The following EMB variants were observed in gnomAD, a reference collection of about 807,000 sequenced individuals.
EMB encodes embigin.
A neutral mutation model predicts 41.4 loss-of-function variants in EMB; 31 were observed. That is an observed-to-expected ratio of 0.75 (90% CI 0.56 to 1.01). The LOEUF is 1.01. Ranked by LOEUF, EMB falls within the 50% of genes least tolerant of loss-of-function variation. The probability of loss-of-function intolerance (pLI) is 0.00; values close to 1 mark genes in which losing one functional copy is unlikely to be tolerated. For missense variants in EMB, 379 were observed against 388.3 expected (o/e 0.98, Z 0.20); for synonymous variants, 137 against 140.4 (o/e 0.98, Z 0.17).
intron 1 of EMB, 131 bp from the exon 2 acceptor site, chr5:50,428,358 C>G: frequency 3.2e-6 from 4 of 1,241,528 alleles, no homozygotes; most frequent in Non-Finnish European, 3.2e-6. Flanking sequence ...AGCTCAAAGT[C>G]TTATATACTT....
rs1745108574 is a variant in EMB, at chr5:50,398,570, G to A, written c.*703C>T. 6.6e-6 allele frequency: 1 copy of A among 152,022 alleles called. No individual in the cohort carries two copies. The highest frequency in any genetic ancestry group is 2.1e-4 in the South Asian group (1 of 4,822). 9.4% of individuals were successfully genotyped at this position (152,022 alleles called of 1,614,324 possible). A position where few individuals can be genotyped will look rare whatever the true frequency, so the allele number is the denominator to read the frequency against. The stretch of plus-strand genomic sequence containing the variant: ...TTATGAAGTTAAAAACCCTATTTAA[G>A]ACTAAGAAGCACTTTAGCCTGGTGG... On this transcript the variant is annotated 3_prime_UTR_variant, in exon 9 of 9. Coordinates refer to ENST00000303221, the MANE Select transcript of EMB (RefSeq NM_198449.3).
chr5:50,408,133 T>C lies in EMB; in HGVS notation c.473-2281A>G, dbSNP rs532423514. Among the ~76,000 whole-genome samples, 6 of 152,156 alleles carry C rather than the reference T, an allele frequency of 3.9e-5. No individual in the cohort carries two copies. In the South Asian group the frequency reaches 1.0e-3, roughly 26 times the overall value. ...TTAGATACTTCCAGGGGAAGACAGA[T>C]AGTTGAGCTTTGACAGGCTTCACTA... On this transcript the variant is annotated intron_variant, in intron 4 of 8. Transcript: ENST00000303221.
Position 50,415,116 on chromosome 5 carries a change from T to A in EMB, c.197-3733A>T, listed in dbSNP as rs1302810190. Among the ~76,000 whole-genome samples, 7 of 152,202 alleles carry A rather than the reference T, an allele frequency of 4.6e-5. No homozygotes were observed. The East Asian group carries it at 1.3e-3, about 29-fold the overall frequency. On this transcript the variant is annotated intron_variant, in intron 2 of 8. Coordinates refer to ENST00000303221, the MANE Select transcript of EMB (RefSeq NM_198449.3). ...CCATTAATATTCCCTTGTGCTGACC[T>A]ATAACACTGAATCACATGCAGTAGT... is the stretch of plus-strand genomic sequence containing the variant.
chr5:50,422,649 A>T (rs906247737), intron 2 of EMB, among the ~76,000 whole-genome samples: 1 of 152,228 alleles, frequency 6.6e-6, no homozygotes, highest in Non-Finnish European at 1.5e-5. Flanking sequence ...AAAGGTGGAA[A>T]AGTATGCAAA....
chr5:50,425,325 G>T (rs1745591807), intron 2 of EMB, among the ~76,000 whole-genome samples: 1 of 152,050 alleles, frequency 6.6e-6, no homozygotes, highest in Admixed American at 6.6e-5. Flanking sequence ...TTGTGGGAGA[G>T]CTGCTCACAT....
At chr5:50,442,199 T>A (rs1745926235), upstream of EMB, among the ~76,000 whole-genome samples, 1 of 149,722 alleles carries the variant, frequency 6.7e-6, no homozygotes, top group African/African-American at 2.4e-5. Context: ...TCAAAATATA[T>A]CGGCGTTAAA....
At chr5:50,422,314 T>C (rs13173678) in intron 2 of EMB, among the ~76,000 whole-genome samples, 77,143 of 152,034 alleles carry the variant, frequency 0.51, 20,534 homozygotes, top group African/African-American at 0.67. Flanking sequence ...TATAACAAGC[T>C]TATTAGGTGT....
intron 2 of EMB, among the ~76,000 whole-genome samples, chr5:50,425,615 T>C (rs1745597431): frequency 6.6e-6 from 1 of 152,094 alleles, no homozygotes; most frequent in Admixed American, 6.5e-5. Flanking sequence ...AAAGATCTGT[T>C]TTAAAACCTC....
rs1239931967 is a variant in EMB, at chr5:50,399,050, A to G, written c.*223T>C. 4.3e-6 allele frequency: 2 copies of G among 461,054 alleles called. No individual in the cohort carries two copies. The highest frequency in any genetic ancestry group is 4.1e-5 in the African/African-American group (2 of 49,270). The allele number at this position is 461,054 out of a possible 1,614,324, so 28.6% of individuals were successfully genotyped here. On this transcript the variant is annotated 3_prime_UTR_variant, in exon 9 of 9. Coordinates refer to ENST00000303221, the MANE Select transcript of EMB (RefSeq NM_198449.3). ...ATAATTAATTTTATTCTGGTCTAAC[A>G]TATTTATTCTGATTTACATTGCTTT...
chr5:50,436,981 T>TA (rs1745814096), intron 1 of EMB, among the ~76,000 whole-genome samples: 1 of 152,182 alleles, frequency 6.6e-6, no homozygotes, highest in Non-Finnish European at 1.5e-5. Flanking sequence ...CTATTAAAAG[T>TA]AGGCTTAGGC....
At chr5:50,400,658 A>C (rs1331472583) in intron 7 of EMB, among the ~76,000 whole-genome samples, 15 of 152,048 alleles carry the variant, frequency 9.9e-5, no homozygotes, top group Non-Finnish European at 7.4e-5. Flanking sequence ...GAATGATTTC[A>C]AGTGCCCTTG....
At chr5:50,435,384 T>A (rs1472816149) in intron 1 of EMB, among the ~76,000 whole-genome samples, 2 of 152,206 alleles carry the variant, frequency 1.3e-5, no homozygotes, top group Admixed American at 1.3e-4. Context: ...TATAACGCAC[T>A]TGGTAGCAAA....
At chr5:50,403,935 T>C (rs540128282) in intron 5 of EMB, among the ~76,000 whole-genome samples, 1 of 152,000 alleles carries the variant, frequency 6.6e-6, no homozygotes, top group African/African-American at 2.4e-5. Flanking sequence ...GAAATGAAGA[T>C]GAAACTCTCA....
Position 50,403,259 on chromosome 5 carries a change from C to G in EMB, c.796G>C (p.Val266Leu), listed in dbSNP as rs372884832. Residue 266 changes from valine to leucine, a missense_variant, in exon 6 of 9, where the codon GTA becomes CTA. Physicochemically the swap from Val to Leu is conservative, Grantham distance 32. Coordinates refer to ENST00000303221, the MANE Select transcript of EMB (RefSeq NM_198449.3). ...SYLVPLKPFL[V>L]IVAEVILLVA... is the part of the protein sequence containing the mutation. ...AAAAGAATCACCTCAGCCACTATTA[C>G]AAGAAATGGTTTGAGGGGCACCAAA... is the stretch of plus-strand genomic sequence containing the variant. The G allele has an allele frequency of 1.2e-6, 2 of 1,612,462 alleles. No individual in the cohort carries two copies. The highest frequency in any genetic ancestry group is 2.2e-5 in the East Asian group (1 of 44,822).
intron 2 of EMB, among the ~76,000 whole-genome samples, chr5:50,422,190 G>C (rs181271861): frequency 6.8e-4 from 104 of 152,170 alleles, no homozygotes; most frequent in African/African-American, 2.3e-3. Context: ...AAATAAAATA[G>C]GCAAAACTTT....
chr5:50,421,757 A>C (rs1407378629), intron 2 of EMB, among the ~76,000 whole-genome samples: 2 of 152,032 alleles, frequency 1.3e-5, no homozygotes, highest in Non-Finnish European at 2.9e-5. Flanking sequence ...GACGTGGATG[A>C]AGCTGGAAAC....
intron 4 of EMB, among the ~76,000 whole-genome samples, chr5:50,410,253 T>C (rs1157346768): frequency 1.3e-5 from 2 of 152,176 alleles, no homozygotes; most frequent in Admixed American, 1.3e-4. Context: ...ATGATAATTA[T>C]CTAACTCAAA....
At chr5:50,400,252 T>C (rs915735193) in intron 7 of EMB, among the ~76,000 whole-genome samples, 1 of 152,008 alleles carries the variant, frequency 6.6e-6, no homozygotes, top group African/African-American at 2.4e-5. Context: ...TCAGCCAACA[T>C]GTGTGATATT....
At chr5:50,432,777 C>CA (rs1025943815) in intron 1 of EMB, among the ~76,000 whole-genome samples, 1 of 136,872 alleles carries the variant, frequency 7.3e-6, no homozygotes, top group Non-Finnish European at 1.6e-5. Context: ...AAAAGCTTGT[C>CA]AAAAAATTCT....
Sources: gnomAD v4.1 joint callset for allele counts (sites outside exome capture counted in the v4.1 genomes callset) on GRCh38, gnomAD v4.1.1 for gene constraint, MANE v1.5 for transcripts, NCBI Gene and HGNC (gene_info 2026-07-23, HGNC 2026-07-21) for gene names.